The following SOX5 variants were observed in gnomAD, a reference collection of about 807,000 sequenced individuals.
SOX5 encodes transcription factor SOX-5.
SOX5 carries 9 observed loss-of-function variants against 92.0 expected under a neutral mutation model. That is an observed-to-expected ratio of 0.10 (90% CI 0.06 to 0.17). The LOEUF (loss-of-function observed/expected upper bound fraction) is 0.17, where lower values mean the gene tolerates loss of function less well. Among genes scored for constraint, SOX5 ranks in the 10% least tolerant of loss-of-function variants. The pLI, the probability that SOX5 is intolerant of heterozygous loss-of-function variation, is 1.00. For synonymous variants in SOX5, 344 were observed against 336.3 expected, an observed-to-expected ratio of 1.02 and a Z score of -0.25; for missense variants, 642 against 944.5, an observed-to-expected ratio of 0.68 and a Z score of 4.20.
At chr12:24,510,924 G>A (rs770670564) in intron 1 of SOX5, among the ~76,000 whole-genome samples, 4 of 152,168 alleles carry the variant, frequency 2.6e-5, no homozygotes, top group African/African-American at 4.8e-5. Flanking sequence ...AGAAGCCAAG[G>A]GAATCTTTTG....
chr12:23,922,991 G>A (rs569985525), intron 1 of SOX5, among the ~76,000 whole-genome samples: 114 of 151,720 alleles, frequency 7.5e-4, no homozygotes, highest in African/African-American at 2.6e-3. Flanking sequence ...TGTCACCCAG[G>A]CTGGAGTGCA....
chr12:23,657,428 T>C (rs1306959649), intron 7 of SOX5, among the ~76,000 whole-genome samples: 1 of 152,146 alleles, frequency 6.6e-6, no homozygotes, highest in Non-Finnish European at 1.5e-5. Context: ...ATATCTATTG[T>C]AGAGTTTGAA....
intron 1 of SOX5, among the ~76,000 whole-genome samples, chr12:24,520,388 A>G (rs534197537): frequency 2.0e-5 from 3 of 152,292 alleles, no homozygotes; most frequent in Admixed American, 6.5e-5. Flanking sequence ...CATGCAGTCG[A>G]AGCTAAGATG....
chr12:24,362,705 C>A (rs1161082866), intron 2 of SOX5, among the ~76,000 whole-genome samples: 2 of 152,054 alleles, frequency 1.3e-5, no homozygotes, highest in Admixed American at 1.3e-4. Context: ...CTAATATTAA[C>A]CTGGCTGGTC....
intron 1 of SOX5, among the ~76,000 whole-genome samples, chr12:23,941,034 C>A (rs565078065): frequency 1.3e-5 from 2 of 151,482 alleles, no homozygotes; most frequent in South Asian, 4.1e-4. Flanking sequence ...CGGGAATGAA[C>A]CTTGTTTGTA....
chr12:23,825,556 A>C (rs1049145044), intron 3 of SOX5, among the ~76,000 whole-genome samples: 1 of 152,046 alleles, frequency 6.6e-6, no homozygotes, highest in African/African-American at 2.4e-5. Context: ...TTTTTATTTT[A>C]TATGTATGTG....
intron 2 of SOX5, among the ~76,000 whole-genome samples, chr12:24,291,796 A>G (rs1483067943): frequency 1.3e-5 from 2 of 152,220 alleles, no homozygotes; most frequent in Non-Finnish European, 2.9e-5. Context: ...CTGATTGACC[A>G]GACTGTTTTT....
rs111335008 is a variant in SOX5, at chr12:24,195,076, G to A, written c.-2+18267C>T. Among the ~76,000 whole-genome samples, 18 of 150,346 alleles carry A rather than the reference G, an allele frequency of 1.2e-4. 1 individual carries two copies. The highest frequency in any genetic ancestry group is 4.2e-4 in the African/African-American group (17 of 40,874). On this transcript the variant is annotated intron_variant, in intron 4 of 4. Coordinates refer to the SOX5 transcript ENST00000446891. ...GTTTGAGGGATTACAATAATTAAGCGATTCTTTTCCCTAAAACATAAAGCA... is the reference window on the plus strand; with the variant it reads ...GTTTGAGGGATTACAATAATTAAGCAATTCTTTTCCCTAAAACATAAAGCA...
At chr12:24,102,925 C>T (rs2137999043) in intron 4 of SOX5, among the ~76,000 whole-genome samples, 2 of 152,066 alleles carry the variant, frequency 1.3e-5, no homozygotes, top group Middle Eastern at 3.4e-3. Flanking sequence ...ACATACAGAA[C>T]AAAGAAAAAG....
intron 12 of SOX5, 115 bp downstream of exon 12, chr12:23,546,201 T>C: frequency 4.6e-6 from 3 of 647,548 alleles, no homozygotes; most frequent in Non-Finnish European, 8.2e-6. Context: ...TGTGACCTCT[T>C]ATTGTAATGA....
intron 7 of SOX5, among the ~76,000 whole-genome samples, chr12:23,662,798 C>T (rs1466895875): frequency 3.3e-5 from 5 of 152,052 alleles, no homozygotes; most frequent in Admixed American, 1.3e-4. Flanking sequence ...GAAACAGAAA[C>T]GTTTATCATC....
intron 4 of SOX5, among the ~76,000 whole-genome samples, chr12:24,074,379 GA>G (rs544583450): frequency 4.2e-5 from 6 of 143,912 alleles, no homozygotes; most frequent in South Asian, 2.2e-4. Context: ...CTTAACTCAG[GA>G]AAAAAAAAAC....
At chr12:24,242,200 A>C (rs1293473191) in intron 3 of SOX5, among the ~76,000 whole-genome samples, 1 of 152,202 alleles carries the variant, frequency 6.6e-6, no homozygotes, top group Non-Finnish European at 1.5e-5. Flanking sequence ...AAACTGAACT[A>C]ATTGAGTTGC....
Position 24,146,183 on chromosome 12 carries a change from T to C in SOX5, c.-2+67160A>G, listed in dbSNP as rs1169067243. On this transcript the variant is annotated intron_variant, in intron 4 of 4. Coordinates refer to the SOX5 transcript ENST00000446891. ...CGTTCTACCCAACAGTAGCAGCATA[T>C]ATTTTTTTTCTCAGTCTGCATGGAA... 2.0e-5 allele frequency among the ~76,000 whole-genome samples: 3 copies of C among 152,228 alleles called. No individual in the cohort carries two copies. The South Asian group carries it at 6.2e-4, about 32-fold the overall frequency.
intron 4 of SOX5, among the ~76,000 whole-genome samples, chr12:24,068,373 A>C (rs1941138903): frequency 6.6e-6 from 1 of 152,136 alleles, no homozygotes; most frequent in Non-Finnish European, 1.5e-5. Context: ...TTTAATATGG[A>C]ATAAAGAGCA....
At chr12:24,389,975 A>G (rs1479171554) in intron 1 of SOX5, among the ~76,000 whole-genome samples, 1 of 152,158 alleles carries the variant, frequency 6.6e-6, no homozygotes, top group Non-Finnish European at 1.5e-5. Context: ...ATATTCTTAT[A>G]ACTACTTCCC....
chr12:24,266,034 ATGTGTGTGTGTGTGTGTGTGTGTG>A (rs59696898), intron 3 of SOX5, among the ~76,000 whole-genome samples: 10 of 127,622 alleles, frequency 7.8e-5, no homozygotes, highest in South Asian at 5.8e-4. Context: ...ATGCCAGCTA[ATGTGTGTGTGTGTGTGTGTGTGTG>A]TGTGTGTGTG....
intron 8 of SOX5, among the ~76,000 whole-genome samples, chr12:23,628,846 C>CT (rs1271471814): frequency 1.3e-5 from 2 of 151,366 alleles, no homozygotes; most frequent in East Asian, 3.9e-4. Flanking sequence ...AAATAGGGCT[C>CT]TATTTTCAAG....
At chr12:24,330,314 A>T (rs1951160273) in intron 2 of SOX5, among the ~76,000 whole-genome samples, 1 of 152,228 alleles carries the variant, frequency 6.6e-6, no homozygotes, top group African/African-American at 2.4e-5. Flanking sequence ...TTATTTTTGT[A>T]TAACAGGTAT....
Sources: allele counts gnomAD v4.1 joint callset (sites outside exome capture counted in the v4.1 genomes callset), GRCh38; gene constraint gnomAD v4.1.1; transcripts MANE v1.5; gene names NCBI Gene and HGNC (gene_info 2026-07-23, HGNC 2026-07-21).